Variants in ANKRD28 observed in about 807,000 individuals in gnomAD.
ANKRD28 encodes the protein serine/threonine-protein phosphatase 6 regulatory ankyrin repeat subunit A.
Under a neutral mutation model 126.5 loss-of-function variants are expected in ANKRD28, and 44 were observed. That is an observed-to-expected ratio of 0.35 (90% CI 0.27 to 0.45). The LOEUF is 0.45. ANKRD28 is among the 20% of genes least tolerant of loss of function. The pLI is 1.00. For synonymous variants in ANKRD28, 442 were observed against 468.5 expected (o/e 0.94, Z 0.73); for missense variants, 1,110 against 1,316.6 (o/e 0.84, Z 2.43).
At chr3:15,689,864 A>G (rs992952643) in intron 18 of ANKRD28, 155 bp downstream of exon 18, 1 of 653,330 alleles carries the variant, frequency 1.5e-6, no homozygotes, top group Admixed American at 3.0e-5. Flanking sequence ...TTGTGTGAAT[A>G]AAGTTATTTG....
intron 6 of ANKRD28, 118 bp from the exon 7 acceptor site, chr3:15,724,642 A>T (rs2074023041): frequency 3.3e-6 from 3 of 913,724 alleles, no homozygotes; most frequent in Middle Eastern, 3.4e-4. Context: ...ATGACAAGTC[A>T]TCAATGAATC....
At chr3:15,859,232 G>T in intron 1 of ANKRD28, 2 of 1,264,474 alleles carry the variant, frequency 1.6e-6, no homozygotes, top group Admixed American at 3.5e-5. Context: ...CCGGCCCGCC[G>T]TCTCGCGCAG....
chr3:15,858,594 A>G (rs147518275), intron 1 of ANKRD28, among the ~76,000 whole-genome samples: 1 of 152,330 alleles, frequency 6.6e-6, no homozygotes, highest in Non-Finnish European at 1.5e-5. Context: ...TGTCAACACT[A>G]GTAAGTGTCC....
chr3:15,824,714 C>T (rs2061021143), intron 1 of ANKRD28, among the ~76,000 whole-genome samples: 2 of 152,220 alleles, frequency 1.3e-5, no homozygotes, highest in African/African-American at 4.8e-5. Context: ...ATAAAACACA[C>T]TATTGGTGTG....
chr3:15,797,430 C>T lies in ANKRD28; in HGVS notation c.-909G>A. The T allele has an allele frequency of 1.0e-6, 1 of 985,388 alleles. No individual in the cohort carries two copies. The highest frequency in any genetic ancestry group is 1.2e-6 in the Non-Finnish European group (1 of 829,974). 61.0% of individuals were successfully genotyped at this position (985,388 alleles called of 1,614,324 possible). On this transcript the variant is annotated 5_prime_UTR_variant, in exon 1 of 28. Transcript: ENST00000683139. ...TCCATCAGGCAGTTGTCTGTGGCTG[C>T]TCCAGCAAAAGGGCACAGGCACCAG...
Position 15,844,307 on chromosome 3 carries a change from A to G in ANKRD28, c.27+15070T>C, listed in dbSNP as rs563871439. Among the ~76,000 whole-genome samples the G allele has an allele frequency of 2.0e-5, 3 of 152,336 alleles. No individual in the cohort carries two copies. In the South Asian group the frequency reaches 6.2e-4, roughly 32 times the overall value. On this transcript the variant is annotated intron_variant, in intron 1 of 27. Transcript: ENST00000399451. The stretch of plus-strand genomic sequence containing the variant: ...TATACATAATGTTGCTCAAATCACA[A>G]GGTCAAGACTTCTCAAGAGGTCAGT...
intron 4 of ANKRD28, among the ~76,000 whole-genome samples, chr3:15,743,206 C>T (rs1392137364): frequency 7.9e-5 from 12 of 152,204 alleles, no homozygotes; most frequent in African/African-American, 2.9e-4. Flanking sequence ...TCACCACTCC[C>T]TAATCTCAAG....
At chr3:15,805,022 GC>G (rs1389021171) in intron 1 of ANKRD28, among the ~76,000 whole-genome samples, 1 of 145,510 alleles carries the variant, frequency 6.9e-6, no homozygotes, top group Non-Finnish European at 1.5e-5. Flanking sequence ...TACTTACGTA[GC>G]AGGTACTTAC....
chr3:15,679,225 C>T, intron 23 of ANKRD28, 76 bp downstream of exon 23: 6 of 1,403,698 alleles, frequency 4.3e-6, no homozygotes, highest in Non-Finnish European at 6.1e-6. Context: ...CCACTTCAGC[C>T]TCCCAGATTG....
chr3:15,839,438 T>C lies in ANKRD28; in HGVS notation c.27+19939A>G, dbSNP rs2061387513. ...TAAAAGGGAAGATTTTCTGACATGT[T>C]GATTCAGCACACAGGAACACCAAAC... is the stretch of plus-strand genomic sequence containing the variant. On this transcript the variant is annotated intron_variant, in intron 1 of 27. Coordinates refer to the ANKRD28 transcript ENST00000399451. The surrounding 1 kb of genome is among the most constrained non-coding windows in gnomAD (Gnocchi z 4.3). 6.6e-6 allele frequency among the ~76,000 whole-genome samples: 1 copy of C among 152,170 alleles called. No individual in the cohort carries two copies. The highest frequency in any genetic ancestry group is 2.4e-5 in the African/African-American group (1 of 41,426).
chr3:15,696,489 C>T (rs1162778893), intron 14 of ANKRD28, among the ~76,000 whole-genome samples: 2 of 151,186 alleles, frequency 1.3e-5, no homozygotes, highest in African/African-American at 2.4e-5. Flanking sequence ...TGTCAGACAG[C>T]TTTTTTTTTC....
At chr3:15,747,447 G>T (rs12632760) in intron 4 of ANKRD28, among the ~76,000 whole-genome samples, 15,947 of 152,120 alleles carry the variant, frequency 0.1, 1,062 homozygotes, top group East Asian at 0.2. Context: ...TGACTTCCTT[G>T]TTGACCCAAC....
chr3:15,806,796 A>T (rs1335026432), intron 1 of ANKRD28, among the ~76,000 whole-genome samples: 1 of 152,220 alleles, frequency 6.6e-6, no homozygotes. Context: ...TGTTAGGATT[A>T]CAGGCATGAG....
intron 2 of ANKRD28, 48 bp downstream of exon 2, chr3:15,795,175 T>C (rs779591116): frequency 1.5e-6 from 2 of 1,297,390 alleles, no homozygotes; most frequent in Non-Finnish European, 2.2e-6. Flanking sequence ...AGGAAAGAAT[T>C]TTAAAAAGCA....
chr3:15,773,254 G>A (rs1385743311), intron 2 of ANKRD28, among the ~76,000 whole-genome samples: 2 of 152,046 alleles, frequency 1.3e-5, no homozygotes, highest in Non-Finnish European at 2.9e-5. Context: ...TAAAAAAAAG[G>A]TATCATTTAG....
At chr3:15,721,254 G>C (rs2073693958) in intron 7 of ANKRD28, 127 bp from the exon 8 acceptor site, 4 of 754,604 alleles carry the variant, frequency 5.3e-6, no homozygotes, top group Non-Finnish European at 4.4e-6. Flanking sequence ...GATAAGTACA[G>C]AGATAAGGCT....
intron 3 of ANKRD28, among the ~76,000 whole-genome samples, chr3:15,752,710 G>C (rs1559472784): frequency 6.6e-6 from 1 of 152,136 alleles, no homozygotes; most frequent in Non-Finnish European, 1.5e-5. Context: ...TCTAAATGAT[G>C]AAATACAGGT....
At chr3:15,777,071 C>T (rs146175843) in intron 2 of ANKRD28, among the ~76,000 whole-genome samples, 6,320 of 152,006 alleles carry the variant, frequency 0.042, 450 homozygotes, top group African/African-American at 0.14. Flanking sequence ...GTCAGGAGAT[C>T]GAGACCATCC....
At chr3:15,851,476 T>G (rs551190265) in intron 1 of ANKRD28, among the ~76,000 whole-genome samples, 1 of 151,706 alleles carries the variant, frequency 6.6e-6, no homozygotes, top group South Asian at 2.1e-4. Context: ...CCCAGGAGGT[T>G]GAAGCTGCAG....
Sources: gnomAD v4.1 joint callset for allele counts (sites outside exome capture counted in the v4.1 genomes callset) on GRCh38, gnomAD v4.1.1 for gene constraint, Gnocchi (gnomAD v3.1) non-coding constraint, MANE v1.5 for transcripts, NCBI Gene and HGNC (gene_info 2026-07-23, HGNC 2026-07-21) for gene names.